Variants in ANOS1 observed in about 807,000 individuals in gnomAD.
The protein encoded by ANOS1 is anosmin-1.
ANOS1 carries 6 observed loss-of-function variants against 59.0 expected under a neutral mutation model. The observed-to-expected ratio is 0.10, with a 90% CI of 0.06 to 0.20. The LOEUF (loss-of-function observed/expected upper bound fraction) is 0.20. Ranked by LOEUF, ANOS1 falls within the 10% of genes least tolerant of loss-of-function variation. ANOS1 has a pLI of 1.00. For synonymous variants in ANOS1, 217 were observed against 223.4 expected (o/e 0.97, Z 0.25); for missense variants, 433 against 542.3 (o/e 0.80, Z 2.00).
chrX:8,728,654 G>A (rs181849773), intron 1 of ANOS1, among the ~76,000 whole-genome samples: 294 of 112,015 alleles, frequency 2.6e-3, no homozygotes, highest in Middle Eastern at 9.2e-3. Context: ...CAAATGACCT[G>A]GACAAAGCAT....
At chrX:8,711,330 T>C (rs183447607) in intron 1 of ANOS1, among the ~76,000 whole-genome samples, 184 of 112,406 alleles carry the variant, frequency 1.6e-3, no homozygotes, top group Non-Finnish European at 2.9e-3. Flanking sequence ...GATGAGTCAA[T>C]TGGGGCTCAG....
rs1380599826 is a variant in ANOS1 at position 8,539,675 on chromosome X, C to A, written c.1438G>T (p.Gly480Cys). ...NRTTGSEASS[G>C]MTHENYIILQ... ...GATCATGTCCTTACGTGGGTCATGCCAGATGATGCCTCTGATCCGGTTGTT... is the reference window on the plus strand; with the variant it reads ...GATCATGTCCTTACGTGGGTCATGCAAGATGATGCCTCTGATCCGGTTGTT... Residue 480 changes from glycine to cysteine, a missense_variant, in exon 10 of 14, where the codon GGC becomes TGC. Gly to Cys is a radical substitution (Grantham distance 159). Coordinates refer to ENST00000262648, the MANE Select transcript of ANOS1 (RefSeq NM_000216.4). The A allele has an allele frequency of 8.3e-7, 1 of 1,209,541 alleles. No individual in the cohort carries two copies. The highest frequency in any genetic ancestry group is 1.1e-6 in the Non-Finnish European group (1 of 895,178).
At chrX:8,665,497 G>C (rs1602012993) in intron 2 of ANOS1, among the ~76,000 whole-genome samples, 2 of 112,367 alleles carry the variant, frequency 1.8e-5, no homozygotes, top group South Asian at 7.4e-4. Flanking sequence ...CTAATAGCTA[G>C]GTGGTAGATA....
chrX:8,569,894 T>C (rs1930196628), intron 7 of ANOS1, among the ~76,000 whole-genome samples: 1 of 111,942 alleles, frequency 8.9e-6, no homozygotes, highest in Non-Finnish European at 1.9e-5. Flanking sequence ...GCAGTAAGCA[T>C]TTCAAATAAT....
At position 8,642,965 on chromosome X, in the gene ANOS1, A is replaced by G. The variant is rs578258551; in HGVS notation, c.256-19295T>C. Among the ~76,000 whole-genome samples, 157 of 112,624 alleles carry G rather than the reference A, an allele frequency of 1.4e-3. No individual in the cohort carries two copies. In the South Asian group the frequency reaches 0.018, roughly 13 times the overall value. ...TGGAAAACTTTATAAAGAACTTTCA[A>G]TGCCTCCTCTTTCGTGTTAGTTTTT... On this transcript the variant is annotated intron_variant, in intron 2 of 13. Coordinates refer to ENST00000262648, the MANE Select transcript of ANOS1 (RefSeq NM_000216.4).
rs1929653566 is a variant in ANOS1 at position 8,539,762 on chromosome X, T to C, written c.1355-4A>G. The stretch of plus-strand genomic sequence containing the variant: ...TGATATCGGTTGACAGTGGGATCTA[T>C]AATGCCAAAACACGCAAACAAAAAT... On this transcript the variant is annotated splice_polypyrimidine_tract_variant and splice_region_variant and intron_variant, in intron 9 of 13. Coordinates refer to ENST00000262648, the MANE Select transcript of ANOS1 (RefSeq NM_000216.4). 8.3e-7 allele frequency: 1 copy of C among 1,208,585 alleles called. No homozygotes were observed. The highest frequency in any genetic ancestry group is 1.1e-6 in the Non-Finnish European group (1 of 894,968).
At chrX:8,603,830 A>C (rs1380502320) in intron 3 of ANOS1, among the ~76,000 whole-genome samples, 1 of 111,961 alleles carries the variant, frequency 8.9e-6, no homozygotes, top group Non-Finnish European at 1.9e-5. Context: ...TCCTGCTCCT[A>C]GCCAACAACT....
chrX:8,674,826 C>CT (rs1397035403), intron 2 of ANOS1, among the ~76,000 whole-genome samples: 2 of 112,109 alleles, frequency 1.8e-5, no homozygotes, highest in Non-Finnish European at 3.8e-5. Flanking sequence ...ACACATGTAA[C>CT]TTCCTGACTC....
chrX:8,715,758 G>A (rs1293328198), intron 1 of ANOS1, among the ~76,000 whole-genome samples: 1 of 110,896 alleles, frequency 9.0e-6, no homozygotes, highest in Non-Finnish European at 1.9e-5. Context: ...GGGGATCCAG[G>A]GTTACATACT....
At chrX:8,628,094 C>A (rs1225646126) in intron 2 of ANOS1, among the ~76,000 whole-genome samples, 1 of 111,495 alleles carries the variant, frequency 9.0e-6, no homozygotes, top group Non-Finnish European at 1.9e-5. Flanking sequence ...CCCACCAAAA[C>A]CAAGATGGCA....
intron 9 of ANOS1, among the ~76,000 whole-genome samples, chrX:8,545,519 T>C (rs1327365574): frequency 9.0e-6 from 1 of 111,639 alleles, no homozygotes; most frequent in Non-Finnish European, 1.9e-5. Context: ...ACTAACAAAA[T>C]TAGCTAAGTG....
At chrX:8,665,518 AT>A (rs908357416) in intron 2 of ANOS1, among the ~76,000 whole-genome samples, 5 of 112,164 alleles carry the variant, frequency 4.5e-5, no homozygotes, top group African/African-American at 1.6e-4. Flanking sequence ...TATGGGTAAC[AT>A]TTTTTCCCTC....
At chrX:8,566,703 A>G (rs1930120306) in intron 8 of ANOS1, among the ~76,000 whole-genome samples, 1 of 111,403 alleles carries the variant, frequency 9.0e-6, no homozygotes, top group African/African-American at 3.3e-5. Context: ...CGAGACTCAC[A>G]TAAAAATTGA....
At chrX:8,565,983 C>A in intron 8 of ANOS1, 1 of 753,291 alleles carries the variant, frequency 1.3e-6, no homozygotes, top group Non-Finnish European at 1.6e-6. Flanking sequence ...AGGGGAGAGA[C>A]CAGTGGCCCA....
chrX:8,536,053 T>G, intron 11 of ANOS1, among the ~76,000 whole-genome samples: 1 of 111,029 alleles, frequency 9.0e-6, no homozygotes, highest in Non-Finnish European at 1.9e-5. Flanking sequence ...GGATCATTTT[T>G]AGAATGCTCT....
At position 8,563,582 on chromosome X, in the gene ANOS1, C is replaced by A. The variant is rs369274541; in HGVS notation, c.1207+4650G>T. Among the ~76,000 whole-genome samples, 42 of 112,381 alleles carry A rather than the reference C, an allele frequency of 3.7e-4. No homozygotes were observed. The South Asian group carries it at 0.015, about 41-fold the overall frequency. On this transcript the variant is annotated intron_variant, in intron 8 of 13. Transcript: ENST00000262648. ...TCCAACCTTGGTTGTTCCAAGATGA[C>A]ACCAAAAGCCATTTCTTTCTCTCTT... is the stretch of plus-strand genomic sequence containing the variant.
intron 1 of ANOS1, among the ~76,000 whole-genome samples, chrX:8,713,126 A>T (rs1932821541): frequency 9.0e-6 from 1 of 111,064 alleles, no homozygotes; most frequent in East Asian, 2.8e-4. Context: ...CTCATTTGAC[A>T]AATGAGTCTA....
At chrX:8,652,706 GC>G (rs1188434404) in intron 2 of ANOS1, among the ~76,000 whole-genome samples, 1 of 111,155 alleles carries the variant, frequency 9.0e-6, no homozygotes, top group East Asian at 2.8e-4. Flanking sequence ...CTTCTTCATG[GC>G]ATGCCTCACA....
intron 2 of ANOS1, among the ~76,000 whole-genome samples, chrX:8,666,213 C>T (rs753666100): frequency 9.1e-6 from 1 of 110,281 alleles, no homozygotes; most frequent in Non-Finnish European, 1.9e-5. Context: ...AAATATGATA[C>T]TAATAAAAGA....
Sources: gnomAD v4.1 joint callset for allele counts (sites outside exome capture counted in the v4.1 genomes callset) on GRCh38, gnomAD v4.1.1 for gene constraint, MANE v1.5 for transcripts, NCBI Gene and HGNC (gene_info 2026-07-23, HGNC 2026-07-21) for gene names.